USPL1: variants seen among roughly 807,000 people sequenced by gnomAD.
The protein encoded by USPL1 is ubiquitin specific peptidase like 1.
USPL1 carries 27 observed loss-of-function variants against 51.5 expected under a neutral mutation model. That is an observed-to-expected ratio of 0.52 (90% confidence interval 0.39 to 0.72). The LOEUF is 0.72. Ranked by LOEUF, USPL1 falls within the 30% of genes least tolerant of loss-of-function variation. The pLI is 0.00. For missense variants in USPL1, 1,226 were observed against 1,268.0 expected, an observed-to-expected ratio of 0.97 and a Z score of 0.50; for synonymous variants, 451 against 459.6, an observed-to-expected ratio of 0.98 and a Z score of 0.24.
At chr13:30,621,962 T>A in intron 3 of USPL1, 70 bp downstream of exon 3, 1 of 1,149,170 alleles carries the variant, frequency 8.7e-7, no homozygotes, top group Non-Finnish European at 1.1e-6. Context: ...TTAATTGTTT[T>A]AAAAGTTTAC....
chr13:30,659,278 C>G lies in USPL1; in HGVS notation c.3201C>G (p.Ser1067=). Residue 1067 remains serine (S), a synonymous_variant, in exon 9 of 9, where the codon TCC becomes TCG. Coordinates refer to ENST00000255304, the MANE Select transcript of USPL1 (RefSeq NM_005800.5). ...CTGATATTTTCGATGAGTTTTTTTC[C>G]TCCTCAGCATTAAATGCTTTAGCAA... ...MKTDIFDEFF[S]SSALNALAND... is the part of the protein sequence containing the mutation. The G allele has an allele frequency of 6.2e-7, 1 of 1,614,062 alleles. No individual in the cohort carries two copies. The highest frequency in any genetic ancestry group is 2.2e-5 in the East Asian group (1 of 44,878).
chr13:30,656,652 C>T (rs993401022), intron 8 of USPL1, among the ~76,000 whole-genome samples: 2 of 152,102 alleles, frequency 1.3e-5, no homozygotes, highest in Non-Finnish European at 2.9e-5. Flanking sequence ...AACTGAAAGT[C>T]CCTGCTTTTC....
At chr13:30,643,274 G>A (rs1593381194) in intron 6 of USPL1, among the ~76,000 whole-genome samples, 1 of 152,146 alleles carries the variant, frequency 6.6e-6, no homozygotes, top group South Asian at 2.1e-4. Flanking sequence ...CATGATCGAT[G>A]TACCTGTTAC....
chr13:30,637,440 CT>C (rs1430567540), intron 4 of USPL1, among the ~76,000 whole-genome samples: 2 of 152,050 alleles, frequency 1.3e-5, no homozygotes, highest in African/African-American at 2.4e-5. Flanking sequence ...GTAACTTTAG[CT>C]GTTTTAGAGA....
chr13:30,657,434 T>G, intron 8 of USPL1, 40 bp from the exon 9 acceptor site: 1 of 1,536,418 alleles, frequency 6.5e-7, no homozygotes, highest in South Asian at 1.3e-5. Flanking sequence ...AGGATGGTGG[T>G]TTTTGAATAT....
At chr13:30,628,542 C>A (rs771814997) in intron 3 of USPL1, among the ~76,000 whole-genome samples, 1 of 152,154 alleles carries the variant, frequency 6.6e-6, no homozygotes, top group African/African-American at 2.4e-5. Flanking sequence ...TCCCCTAGCC[C>A]CCTACCCGCC....
intron 1 of USPL1, among the ~76,000 whole-genome samples, chr13:30,619,520 A>T (rs1950620406): frequency 6.6e-6 from 1 of 152,224 alleles, no homozygotes; most frequent in African/African-American, 2.4e-5. Flanking sequence ...AGTTTATTCA[A>T]GGTACATAGC....
chr13:30,641,661 T>A (rs1465705914), intron 5 of USPL1, among the ~76,000 whole-genome samples: 4 of 151,602 alleles, frequency 2.6e-5, no homozygotes, highest in Non-Finnish European at 5.9e-5. Context: ...TTCAGTTATT[T>A]TCAATGACAA....
intron 8 of USPL1, 134 bp from the exon 9 acceptor site, chr13:30,657,340 A>G (rs1306472202): frequency 3.4e-6 from 3 of 879,358 alleles, no homozygotes; most frequent in Non-Finnish European, 5.0e-6. Flanking sequence ...AATGGTGACA[A>G]GGTCAAGAAC....
chr13:30,647,366 T>C (rs1951032105), intron 7 of USPL1, among the ~76,000 whole-genome samples: 1 of 152,150 alleles, frequency 6.6e-6, no homozygotes, highest in Non-Finnish European at 1.5e-5. Flanking sequence ...GTGTATGGAG[T>C]TTCTAGAATT....
intron 3 of USPL1, among the ~76,000 whole-genome samples, chr13:30,630,097 C>T (rs1031270901): frequency 6.6e-6 from 1 of 152,118 alleles, no homozygotes; most frequent in Non-Finnish European, 1.5e-5. Flanking sequence ...CCATCTCAGC[C>T]TCCCAAGTAG....
chr13:30,654,331 G>A (rs955801429), intron 8 of USPL1, among the ~76,000 whole-genome samples: 2 of 151,008 alleles, frequency 1.3e-5, no homozygotes, highest in Non-Finnish European at 3.0e-5. Flanking sequence ...TCCTTCCTTC[G>A]TTCCTCTCTC....
chr13:30,625,431 T>A (rs1436616145), intron 3 of USPL1, among the ~76,000 whole-genome samples: 1 of 148,828 alleles, frequency 6.7e-6, no homozygotes, highest in Non-Finnish European at 1.5e-5. Context: ...TTTTAGTTGG[T>A]TTTTTGTTTT....
chr13:30,655,438 T>G (rs939267919), intron 8 of USPL1, among the ~76,000 whole-genome samples: 2 of 152,144 alleles, frequency 1.3e-5, no homozygotes, highest in Non-Finnish European at 2.9e-5. Flanking sequence ...TTCTTAATCT[T>G]TGCATTCCTT....
intron 6 of USPL1, among the ~76,000 whole-genome samples, chr13:30,644,293 TA>T (rs1180642570): frequency 1.3e-5 from 2 of 151,926 alleles, no homozygotes; most frequent in Non-Finnish European, 2.9e-5. Context: ...CAAAAAAAAT[TA>T]AAAAAAATTA....
chr13:30,639,249 T>TGC, intron 5 of USPL1, among the ~76,000 whole-genome samples: 1 of 151,168 alleles, frequency 6.6e-6, no homozygotes, highest in African/African-American at 2.4e-5. Context: ...TATATATGTG[T>TGC]GTATGTGTGT....
chr13:30,635,094 C>A (rs1169289533), intron 4 of USPL1, among the ~76,000 whole-genome samples: 1 of 152,186 alleles, frequency 6.6e-6, no homozygotes, highest in African/African-American at 2.4e-5. Flanking sequence ...AGAGTTACAT[C>A]AGATGTGTTG....
chr13:30,637,883 T>C (rs1950897185), intron 5 of USPL1, 26 bp downstream of exon 5: 5 of 1,481,098 alleles, frequency 3.4e-6, no homozygotes, highest in Middle Eastern at 1.7e-4. Flanking sequence ...AACTTACTTG[T>C]ATTATACTCA....
chr13:30,629,463 G>A (rs971748085), intron 3 of USPL1, among the ~76,000 whole-genome samples: 2 of 152,060 alleles, frequency 1.3e-5, no homozygotes, highest in Admixed American at 1.3e-4. Flanking sequence ...CTCCAGCCTG[G>A]ATAACAGAGC....
Sources: gnomAD v4.1 joint callset for allele counts (sites outside exome capture counted in the v4.1 genomes callset) on GRCh38, gnomAD v4.1.1 for gene constraint, MANE v1.5 for transcripts, NCBI Gene and HGNC (gene_info 2026-07-23, HGNC 2026-07-21) for gene names.